IMMT: variants seen among roughly 807,000 people sequenced by gnomAD.
IMMT encodes the protein inner membrane mitochondrial protein.
In IMMT, 40 loss-of-function variants were observed where a neutral mutation model predicts 92.7. That is an observed-to-expected ratio of 0.43 (90% confidence interval 0.34 to 0.56). The LOEUF is 0.56. Among genes scored for constraint, IMMT ranks in the 20% least tolerant of loss-of-function variants. IMMT has a pLI of 0.03. For synonymous variants in IMMT, 322 were observed against 336.1 expected (o/e 0.96, Z 0.46); for missense variants, 831 against 912.1 (o/e 0.91, Z 1.14).
chr2:86,165,698 A>C (rs1676627580), intron 7 of IMMT, among the ~76,000 whole-genome samples: 2 of 152,206 alleles, frequency 1.3e-5, no homozygotes, highest in Admixed American at 6.5e-5. Flanking sequence ...ATTAAGTCCC[A>C]GTATTAAATT....
intron 12 of IMMT, among the ~76,000 whole-genome samples, chr2:86,149,994 C>G (rs1163360721): frequency 6.6e-6 from 1 of 151,896 alleles, no homozygotes; most frequent in Non-Finnish European, 1.5e-5. Context: ...ATGTTGGATG[C>G]AAAACTGGTA....
At chr2:86,164,842 C>A (rs1404398180) in intron 7 of IMMT, among the ~76,000 whole-genome samples, 1 of 152,122 alleles carries the variant, frequency 6.6e-6, no homozygotes, top group African/African-American at 2.4e-5. Context: ...CAAGGAAAAC[C>A]TACCCTGTAA....
intron 1 of IMMT, among the ~76,000 whole-genome samples, chr2:86,191,149 C>T (rs1573954948): frequency 6.6e-6 from 1 of 151,346 alleles, no homozygotes; most frequent in East Asian, 2.0e-4. Flanking sequence ...AGTTTGAGAC[C>T]AGCCTGGGTA....
rs546219621 is a variant in IMMT at position 86,160,417 on chromosome 2, G to C, written c.897-746C>G. Among the ~76,000 whole-genome samples, 15 of 152,258 alleles carry C rather than the reference G, an allele frequency of 9.9e-5. No homozygotes were observed. The South Asian group carries it at 3.1e-3, about 32-fold the overall frequency. ...GAGAAGGCCAAAAACCTCACTGGGC[G>C]AATACTTAACTGGGTCTCAGGGAGC... On this transcript the variant is annotated intron_variant, in intron 8 of 14. Coordinates refer to ENST00000410111, the MANE Select transcript of IMMT (RefSeq NM_006839.3).
At chr2:86,160,734 C>A (rs1307062531) in intron 8 of IMMT, among the ~76,000 whole-genome samples, 1 of 152,174 alleles carries the variant, frequency 6.6e-6, no homozygotes, top group Non-Finnish European at 1.5e-5. Flanking sequence ...CTAGTTTTAG[C>A]CAACTTCCAG....
intron 6 of IMMT, among the ~76,000 whole-genome samples, chr2:86,168,839 G>A (rs1029750238): frequency 6.6e-6 from 1 of 152,136 alleles, no homozygotes; most frequent in Non-Finnish European, 1.5e-5. Flanking sequence ...GAAGTGAAAT[G>A]AGAGCAGGGG....
At chr2:86,165,776 T>C (rs1676633818) in intron 7 of IMMT, among the ~76,000 whole-genome samples, 1 of 152,186 alleles carries the variant, frequency 6.6e-6, no homozygotes, top group Non-Finnish European at 1.5e-5. Context: ...ACATTTAAAA[T>C]AGCAGGTGTT....
At chr2:86,177,248 CT>C (rs5832672) in intron 3 of IMMT, among the ~76,000 whole-genome samples, 67,082 of 147,204 alleles carry the variant, frequency 0.46, 15,344 homozygotes, top group Non-Finnish European at 0.52. Flanking sequence ...CTTTTACAGA[CT>C]TTTTTTTTTT....
intron 3 of IMMT, among the ~76,000 whole-genome samples, chr2:86,178,578 A>AG (rs1677609097): frequency 6.6e-6 from 1 of 151,706 alleles, no homozygotes; most frequent in Non-Finnish European, 1.5e-5. Flanking sequence ...GTGAGCCGAG[A>AG]TCACATCACT....
intron 5 of IMMT, 70 bp downstream of exon 5, chr2:86,171,138 T>C: frequency 7.5e-7 from 1 of 1,331,752 alleles, no homozygotes; most frequent in Non-Finnish European, 1.0e-6. Context: ...TGTCTACGTG[T>C]TGCCTAGGCA....
Position 86,195,444 on chromosome 2 carries a change from G to A in IMMT, c.-62C>T, listed in dbSNP as rs915795143. 1 of 1,525,880 alleles carries A rather than the reference G, an allele frequency of 6.6e-7. No individual in the cohort carries two copies. Among genetic ancestry groups the A allele is most frequent in the Non-Finnish European group, 8.8e-7 (1 of 1,132,172 alleles). 94.5% of individuals were successfully genotyped at this position (1,525,880 alleles called of 1,614,324 possible). A position where few individuals can be genotyped will look rare whatever the true frequency, so the allele number is the denominator to read the frequency against. ...CTGCCGCGGCGGCGCGAGTTAAGTG[G>A]AGGCGTGCTTGCGTGTGTGCGTGCC... is the stretch of plus-strand genomic sequence containing the variant. On this transcript the variant is annotated 5_prime_UTR_variant, in exon 1 of 15. Coordinates refer to ENST00000410111, the MANE Select transcript of IMMT (RefSeq NM_006839.3).
In IMMT at chr2:86,144,206, T is replaced by TCA. The variant is rs1228330115; in HGVS notation, c.*60_*61dup. The TCA allele has an allele frequency of 2.7e-5, 42 of 1,582,498 alleles. No homozygotes were observed. Among genetic ancestry groups the TCA allele is most frequent in the Non-Finnish European group, 3.5e-5 (41 of 1,160,450 alleles). ...GTCCGGGACTCTCGCTGCGAACCCT[T>TCA]CATCTATCACTGCTGATTTCCTTTG... On this transcript the variant is annotated 3_prime_UTR_variant, in exon 15 of 15. Coordinates refer to ENST00000410111, the MANE Select transcript of IMMT (RefSeq NM_006839.3).
intron 13 of IMMT, 45 bp downstream of exon 13, chr2:86,147,656 TC>T: frequency 1.3e-6 from 2 of 1,576,470 alleles, no homozygotes; most frequent in South Asian, 2.3e-5. Flanking sequence ...AGTCTCTTAA[TC>T]CTGTCAGGAA....
At chr2:86,148,467 C>T (rs1241048283) in intron 12 of IMMT, among the ~76,000 whole-genome samples, 1 of 151,944 alleles carries the variant, frequency 6.6e-6, no homozygotes, top group African/African-American at 2.4e-5. Context: ...AAAAAATTAG[C>T]CGGGTGTGGT....
intron 1 of IMMT, among the ~76,000 whole-genome samples, chr2:86,187,001 C>T (rs1458127589): frequency 6.6e-6 from 1 of 151,960 alleles, no homozygotes; most frequent in Non-Finnish European, 1.5e-5. Context: ...CGGCCATCTG[C>T]AAATACCTGG....
At chr2:86,174,971 C>T (rs542146848) in intron 3 of IMMT, among the ~76,000 whole-genome samples, 1 of 152,238 alleles carries the variant, frequency 6.6e-6, no homozygotes, top group East Asian at 1.9e-4. Context: ...GGATAGTTTT[C>T]AGAAGAGGAA....
Position 86,171,275 on chromosome 2 carries a change from C to T in IMMT, c.492G>A (p.Gln164=), listed in dbSNP as rs200713569. The change falls in exon 5 of 15, where the codon CAG becomes CAA. Residue 164 remains glutamine, a synonymous_variant. Coordinates refer to ENST00000410111, the MANE Select transcript of IMMT (RefSeq NM_006839.3). ...GATCAGTTTTTAAAGATTCCTCAGG[C>T]TGAACTGCAGGGGCTGGGACCGACA... The part of the protein sequence containing the change: ...DTLSVPAPAV[Q]PEESLKTDHP... 73 of 1,609,370 alleles carry T rather than the reference C, an allele frequency of 4.5e-5. No homozygotes were observed. The highest frequency in any genetic ancestry group is 6.2e-5 in the Non-Finnish European group (73 of 1,177,460).
Position 86,170,832 on chromosome 2 carries a change from G to A in IMMT, c.572C>T (p.Ser191Leu), listed in dbSNP as rs1054578818. 2.2e-5 allele frequency: 35 copies of A among 1,580,270 alleles called. No homozygotes were observed. Among genetic ancestry groups the A allele is most frequent in the Non-Finnish European group, 2.8e-5 (32 of 1,161,110 alleles). Residue 191 changes from serine (S) to leucine (L), a missense_variant, in exon 6 of 15, where the codon TCA becomes TTA. Transcript: ENST00000410111. ...AGGTGGTCGCTCCCTTATAGAAGAT[G>A]AGGATGCTTCTTCTTGCAGCAAAAG... ...PTPALSEEAS[S>L]SSIRERPPEE...
At chr2:86,154,612 A>G (rs764419486) in intron 10 of IMMT, among the ~76,000 whole-genome samples, 2 of 152,220 alleles carry the variant, frequency 1.3e-5, no homozygotes, top group African/African-American at 2.4e-5. Context: ...TACTTAATAC[A>G]TTCAGTTCTT....
Sources: allele counts gnomAD v4.1 joint callset (sites outside exome capture counted in the v4.1 genomes callset), GRCh38; gene constraint gnomAD v4.1.1; transcripts MANE v1.5; gene names NCBI Gene and HGNC (gene_info 2026-07-23, HGNC 2026-07-21).